Variants in XYLT1 observed in about 807,000 individuals in gnomAD.
The protein encoded by XYLT1 is beta-D-xylosyltransferase 1.
In XYLT1, 36 loss-of-function variants were observed where a neutral mutation model predicts 91.3. The observed-to-expected ratio is 0.39, with a 90% CI of 0.30 to 0.52. The LOEUF (loss-of-function observed/expected upper bound fraction) is 0.52, where lower values mean the gene tolerates loss of function less well. XYLT1 is among the 20% of genes least tolerant of loss of function. The pLI, the probability that XYLT1 is intolerant of heterozygous loss-of-function variation, is 0.68. For missense variants in XYLT1, 1,242 were observed against 1,284.5 expected, an observed-to-expected ratio of 0.97 and a Z score of 0.51; for synonymous variants, 588 against 532.0, an observed-to-expected ratio of 1.11 and a Z score of -1.45.
intron 6 of XYLT1, among the ~76,000 whole-genome samples, chr16:17,156,347 G>A (rs1396222597): frequency 6.6e-6 from 1 of 152,192 alleles, no homozygotes; most frequent in Non-Finnish European, 1.5e-5. Context: ...TTTACAATGG[G>A]CTCCTTTCTC....
chr16:17,151,154 G>A (rs1167197050), intron 6 of XYLT1, among the ~76,000 whole-genome samples: 2 of 152,182 alleles, frequency 1.3e-5, no homozygotes, highest in African/African-American at 2.4e-5. Flanking sequence ...GGCTGGGCGT[G>A]GTGGCTCACG....
At chr16:17,268,667 CTTTTT>C (rs56389780) in intron 2 of XYLT1, among the ~76,000 whole-genome samples, 1 of 138,072 alleles carries the variant, frequency 7.2e-6, no homozygotes, top group African/African-American at 2.7e-5. Flanking sequence ...GTGATAAATA[CTTTTT>C]TTTTTTTTTT....
chr16:17,316,596 T>C (rs2034635609), intron 2 of XYLT1, among the ~76,000 whole-genome samples: 3 of 151,994 alleles, frequency 2.0e-5, no homozygotes, highest in African/African-American at 2.4e-5. Context: ...AAGGTTTCAC[T>C]ATGTTGTCCA....
intron 1 of XYLT1, among the ~76,000 whole-genome samples, chr16:17,393,191 T>C (rs1218564920): frequency 6.6e-6 from 1 of 152,232 alleles, no homozygotes; most frequent in Admixed American, 6.5e-5. Flanking sequence ...GATTGAGGCC[T>C]GTGGCAGACA....
intron 1 of XYLT1, among the ~76,000 whole-genome samples, chr16:17,460,085 C>T (rs2036798064): frequency 6.6e-6 from 1 of 152,170 alleles, no homozygotes; most frequent in Non-Finnish European, 1.5e-5. Context: ...TTATTAGCAT[C>T]ATCTGATGAA....
At chr16:17,340,562 T>G (rs1248743786) in intron 2 of XYLT1, among the ~76,000 whole-genome samples, 1 of 152,242 alleles carries the variant, frequency 6.6e-6, no homozygotes, top group Non-Finnish European at 1.5e-5. Flanking sequence ...GAATGGTAGT[T>G]AAGAGTTCTG....
chr16:17,183,581 C>T (rs1403604375), intron 5 of XYLT1, among the ~76,000 whole-genome samples: 5 of 152,166 alleles, frequency 3.3e-5, no homozygotes, highest in African/African-American at 2.4e-5. Flanking sequence ...CTTCATACTG[C>T]GATGCAGTAA....
chr16:17,122,370 TGTTC>T (rs1328785121), intron 10 of XYLT1, among the ~76,000 whole-genome samples: 1 of 152,248 alleles, frequency 6.6e-6, no homozygotes, highest in African/African-American at 2.4e-5. Context: ...TTTTTTCATA[TGTTC>T]GTTGGCCATT....
At chr16:17,133,018 C>G (rs368124611) in intron 9 of XYLT1, among the ~76,000 whole-genome samples, 1 of 152,244 alleles carries the variant, frequency 6.6e-6, no homozygotes. Flanking sequence ...ATGAGGAAAC[C>G]GAAGCTCAGA....
intron 1 of XYLT1, among the ~76,000 whole-genome samples, chr16:17,424,856 A>C (rs1193686579): frequency 7.1e-6 from 1 of 141,776 alleles, no homozygotes; most frequent in Admixed American, 7.1e-5. Context: ...TGACAGAGCA[A>C]GACTCCATCT....
At chr16:17,114,391 T>C (rs2047403) in intron 11 of XYLT1, among the ~76,000 whole-genome samples, 83,502 of 151,990 alleles carry the variant, frequency 0.55, 25,567 homozygotes, top group Non-Finnish European at 0.68. Flanking sequence ...CCTCACTCTG[T>C]GGTGTCTGAT....
At position 17,108,746 on chromosome 16, in the gene XYLT1, AG is replaced by A; in HGVS notation, c.2828del (p.Pro943LeufsTer41). 1 of 1,604,224 alleles carries A rather than the reference AG, an allele frequency of 6.2e-7. No individual in the cohort carries two copies. ...CSQTAWSSFS[P>X]DPKSELGAVK... ...CTGCCCCCAGCTCCGACTTGGGGTC[AG>A]GGCTGAAGGAGCTCCAGGCCGTCTG... On this transcript the variant is annotated frameshift_variant, in exon 12 of 12. Coordinates refer to ENST00000261381, the MANE Select transcript of XYLT1 (RefSeq NM_022166.4). LOFTEE classifies it high-confidence loss of function.
chr16:17,176,767 A>G (rs754901893), intron 5 of XYLT1, among the ~76,000 whole-genome samples: 10 of 152,162 alleles, frequency 6.6e-5, no homozygotes, highest in Non-Finnish European at 1.2e-4. Context: ...TATAATGTAC[A>G]TATCTACTAG....
At chr16:17,260,795 A>G (rs2033710993) in intron 2 of XYLT1, among the ~76,000 whole-genome samples, 1 of 152,224 alleles carries the variant, frequency 6.6e-6, no homozygotes, top group Non-Finnish European at 1.5e-5. Context: ...GAAAAGCTTA[A>G]AATATTTCTA....
chr16:17,413,118 G>A (rs967171013), intron 1 of XYLT1, among the ~76,000 whole-genome samples: 9 of 152,296 alleles, frequency 5.9e-5, no homozygotes, highest in Non-Finnish European at 7.4e-5. Flanking sequence ...TGCCTGACAC[G>A]CAGTAGGCAG....
chr16:17,305,301 C>G (rs969259164), intron 2 of XYLT1, among the ~76,000 whole-genome samples: 1 of 152,140 alleles, frequency 6.6e-6, no homozygotes, highest in Non-Finnish European at 1.5e-5. Context: ...TATCTAGTTT[C>G]CAAAACAAAA....
chr16:17,437,669 G>A (rs1233379255), intron 1 of XYLT1, among the ~76,000 whole-genome samples: 1 of 152,100 alleles, frequency 6.6e-6, no homozygotes, highest in East Asian at 1.9e-4. Context: ...AGAAGAGAGG[G>A]AAGGAGGAAT....
At chr16:17,360,407 C>T (rs1249194170) in intron 1 of XYLT1, among the ~76,000 whole-genome samples, 1 of 152,208 alleles carries the variant, frequency 6.6e-6, no homozygotes, top group Non-Finnish European at 1.5e-5. Context: ...AGCATCAGCT[C>T]TCTATTTGAT....
intron 1 of XYLT1, among the ~76,000 whole-genome samples, chr16:17,459,913 CT>C (rs2036794860): frequency 6.6e-6 from 1 of 152,180 alleles, no homozygotes; most frequent in Admixed American, 6.5e-5. Flanking sequence ...TTACAAGACG[CT>C]GTGAGGAAGG....
Sources: allele counts gnomAD v4.1 joint callset (sites outside exome capture counted in the v4.1 genomes callset), GRCh38; gene constraint gnomAD v4.1.1; transcripts MANE v1.5; gene names NCBI Gene and HGNC (gene_info 2026-07-23, HGNC 2026-07-21).